The following ETV5 variants were observed in gnomAD, a reference collection of about 807,000 sequenced individuals.
ETV5 encodes ETS translocation variant 5.
In ETV5, 10 loss-of-function variants were observed where a neutral mutation model predicts 70.0. The ratio of observed to expected loss-of-function variants is 0.14; its 90% confidence interval spans 0.09 to 0.24. The LOEUF (loss-of-function observed/expected upper bound fraction) is 0.24. Ranked by LOEUF, ETV5 falls within the 10% of genes least tolerant of loss-of-function variation. The probability of loss-of-function intolerance (pLI) is 1.00; values close to 1 mark genes in which losing one functional copy is unlikely to be tolerated. For synonymous variants in ETV5, 216 were observed against 242.2 expected, an observed-to-expected ratio of 0.89 and a Z score of 1.01; for missense variants, 453 against 651.2, an observed-to-expected ratio of 0.70 and a Z score of 3.31.
chr3:186,078,144 A>T, intron 7 of ETV5: 1 of 1,051,238 alleles, frequency 9.5e-7, no homozygotes. Flanking sequence ...CCATCTCCCA[A>T]TTCTCCAGGA....
intron 5 of ETV5, among the ~76,000 whole-genome samples, chr3:186,083,050 C>A (rs573715693): frequency 1.3e-5 from 2 of 152,334 alleles, no homozygotes; most frequent in African/African-American, 4.8e-5. Context: ...TGGCAGCCAA[C>A]ACTCAATTGT....
chr3:186,093,736 T>C (rs1310389174), intron 5 of ETV5, among the ~76,000 whole-genome samples: 1 of 152,212 alleles, frequency 6.6e-6, no homozygotes, highest in East Asian at 1.9e-4. Context: ...CCTACCTCTT[T>C]ACTCCTTCCA....
At chr3:186,051,201 C>T (rs990068153) in intron 12 of ETV5, among the ~76,000 whole-genome samples, 9 of 152,120 alleles carry the variant, frequency 5.9e-5, no homozygotes, top group African/African-American at 2.2e-4. Flanking sequence ...CATTACCACC[C>T]GCCTATGAGA....
intron 6 of ETV5, chr3:186,080,611 C>T (rs1713909751): frequency 4.3e-6 from 1 of 232,156 alleles, no homozygotes; most frequent in Non-Finnish European, 8.5e-6. Flanking sequence ...ATTAAAGCTT[C>T]ATTCCTGGGG....
chr3:186,104,180 C>T (rs892450390), intron 5 of ETV5, among the ~76,000 whole-genome samples: 1 of 152,198 alleles, frequency 6.6e-6, no homozygotes, highest in Non-Finnish European at 1.5e-5. Flanking sequence ...TGCTCATTCG[C>T]CAGTGACTAA....
chr3:186,081,105 AGAC>A lies in ETV5; in HGVS notation c.300_302del (p.Ser101del), dbSNP rs1184684002. On this transcript the variant is annotated inframe_deletion, in exon 6 of 13. Transcript: ENST00000306376. Reference sequence around the variant, plus strand: ...CACCAAGAGCCTGCTCATGGCTACAAGACGACAGCTCAGAGGAGGGGCTGTGCA... The same window carrying A: ...CACCAAGAGCCTGCTCATGGCTACAAGACAGCTCAGAGGAGGGGCTGTGCA... 1 of 1,613,754 alleles carries A rather than the reference AGAC, an allele frequency of 6.2e-7. No homozygotes were observed. The highest frequency in any genetic ancestry group is 8.5e-7 in the Non-Finnish European group (1 of 1,179,844).
chr3:186,091,970 A>G (rs1714192567), intron 5 of ETV5, among the ~76,000 whole-genome samples: 1 of 152,218 alleles, frequency 6.6e-6, no homozygotes, highest in Non-Finnish European at 1.5e-5. Context: ...TTTCTTGCTC[A>G]TGAGAGTAGA....
chr3:186,082,466 C>T (rs983230489), intron 5 of ETV5, among the ~76,000 whole-genome samples: 6 of 146,100 alleles, frequency 4.1e-5, no homozygotes, highest in South Asian at 4.3e-4. Context: ...CTTACTCTGT[C>T]GCCCAGGCTG....
chr3:186,079,683 G>C, intron 7 of ETV5, 134 bp downstream of exon 7: 1 of 858,410 alleles, frequency 1.2e-6, no homozygotes, highest in Admixed American at 2.9e-5. Flanking sequence ...CATTAGTCTT[G>C]CCTCACAAGC....
intron 7 of ETV5, among the ~76,000 whole-genome samples, chr3:186,077,053 A>G (rs1278553093): frequency 6.6e-6 from 1 of 152,142 alleles, no homozygotes; most frequent in East Asian, 1.9e-4. Context: ...TGAATGTAGG[A>G]CCCTGTATTT....
At position 186,105,787 on chromosome 3, in the gene ETV5, G is replaced by C; in HGVS notation, c.45+37C>G. On this transcript the variant is annotated intron_variant, in intron 2 of 12. Coordinates refer to ENST00000306376, the MANE Select transcript of ETV5 (RefSeq NM_004454.3). This position sits in a 1 kb window ranked among gnomAD's most constrained non-coding sequence, Gnocchi z 4.5. ...ACAGGGGGAAGACTCATATTGGAGA[G>C]GGAGGACAAAACAAACCAAAAGCCA... is the stretch of plus-strand genomic sequence containing the variant. 6.2e-7 allele frequency: 1 copy of C among 1,610,862 alleles called. No homozygotes were observed. Among genetic ancestry groups the C allele is most frequent in the Non-Finnish European group, 8.5e-7 (1 of 1,177,006 alleles).
rs1560058143 is a variant in ETV5, at chr3:186,105,580, CT to C, written c.133+44del. 5 of 1,612,730 alleles carry C rather than the reference CT, an allele frequency of 3.1e-6. No homozygotes were observed. The highest frequency in any genetic ancestry group is 1.7e-6 in the Non-Finnish European group (2 of 1,178,678). On this transcript the variant is annotated intron_variant, in intron 3 of 12. Coordinates refer to ENST00000306376, the MANE Select transcript of ETV5 (RefSeq NM_004454.3). The surrounding 1 kb of genome is among the most constrained non-coding windows in gnomAD (Gnocchi z 4.5). ...GGGAAGAATCTACACGCTACTGTCA[CT>C]GGGAGCAGGGAAGCCACAACATAAT...
chr3:186,107,678 C>T (rs1714620773), intron 1 of ETV5, among the ~76,000 whole-genome samples: 1 of 152,250 alleles, frequency 6.6e-6, no homozygotes, highest in African/African-American at 2.4e-5. Flanking sequence ...ACCACCCGCG[C>T]CCCGGGCGCC....
At chr3:186,091,217 T>G (rs2150152360) in intron 5 of ETV5, among the ~76,000 whole-genome samples, 1 of 152,298 alleles carries the variant, frequency 6.6e-6, no homozygotes, top group African/African-American at 2.4e-5. Flanking sequence ...TGGGATAGGG[T>G]TTGCTATTAG....
At chr3:186,106,065 C>G (rs929152631) in intron 1 of ETV5, 123 bp from the exon 2 acceptor site, 7 of 663,706 alleles carry the variant, frequency 1.1e-5, no homozygotes, top group South Asian at 9.7e-5. Context: ...TACTTAAAAC[C>G]TACTCAAGGT....
rs1192147592 is a variant in ETV5, at chr3:186,109,037, G to T, written c.-172C>A. On this transcript the variant is annotated 5_prime_UTR_variant, in exon 1 of 13. Coordinates refer to ENST00000306376, the MANE Select transcript of ETV5 (RefSeq NM_004454.3). Reference sequence around the variant, plus strand: ...CCTGGGCGCCTGGGCGAAAGGCTGGGCCGAACCGCTCCGAAGACGGTGAAC... The same window carrying T: ...CCTGGGCGCCTGGGCGAAAGGCTGGTCCGAACCGCTCCGAAGACGGTGAAC... 6.5e-6 allele frequency: 1 copy of T among 152,818 alleles called. No individual in the cohort carries two copies. The highest frequency in any genetic ancestry group is 2.0e-4 in the South Asian group (1 of 5,088). 9.5% of individuals were successfully genotyped at this position (152,818 alleles called of 1,614,324 possible). A position where few individuals can be genotyped will look rare whatever the true frequency, so the allele number is the denominator to read the frequency against.
chr3:186,075,015 A>T (rs1384638512), intron 7 of ETV5, among the ~76,000 whole-genome samples: 1 of 152,216 alleles, frequency 6.6e-6, no homozygotes, highest in Non-Finnish European at 1.5e-5. Context: ...TGTTTAATGA[A>T]TTTCAACCTC....
rs1438323049 is a variant in ETV5 at position 186,052,546 on chromosome 3, T to G, written c.1210-415A>C. On this transcript the variant is annotated intron_variant, in intron 11 of 12. Transcript: ENST00000306376. This position sits in a 1 kb window ranked among gnomAD's most constrained non-coding sequence, Gnocchi z 4.5. ...TCCTGAAACATTAGAAACACACTAG[T>G]GAGTTGCTAATGGGCCAGCAGAGCA... Among the ~76,000 whole-genome samples, 1 of 152,138 alleles carries G rather than the reference T, an allele frequency of 6.6e-6. No individual in the cohort carries two copies. The highest frequency in any genetic ancestry group is 2.4e-5 in the African/African-American group (1 of 41,426).
intron 7 of ETV5, among the ~76,000 whole-genome samples, chr3:186,076,797 A>C (rs1378654278): frequency 6.6e-6 from 1 of 152,240 alleles, no homozygotes; most frequent in East Asian, 1.9e-4. Context: ...AGCAAAACAA[A>C]AAAGACACAT....
Sources: gnomAD v4.1 joint callset for allele counts (sites outside exome capture counted in the v4.1 genomes callset) on GRCh38, gnomAD v4.1.1 for gene constraint, Gnocchi (gnomAD v3.1) non-coding constraint, MANE v1.5 for transcripts, NCBI Gene and HGNC (gene_info 2026-07-23, HGNC 2026-07-21) for gene names.